Variants in LEPROTL1 observed in about 807,000 individuals in gnomAD.
LEPROTL1 encodes leptin receptor overlapping transcript like 1.
Under a neutral mutation model 15.4 loss-of-function variants are expected in LEPROTL1, and 6 were observed. The ratio of observed to expected loss-of-function variants is 0.39; its 90% CI spans 0.21 to 0.77. The LOEUF (loss-of-function observed/expected upper bound fraction) is 0.77. Ranked by LOEUF, LEPROTL1 falls within the 30% of genes least tolerant of loss-of-function variation. LEPROTL1 has a pLI of 0.41. For missense variants in LEPROTL1, 128 were observed against 158.1 expected, an observed-to-expected ratio of 0.81 and a Z score of 1.02; for synonymous variants, 56 against 52.6, an observed-to-expected ratio of 1.06 and a Z score of -0.28.
Position 30,106,241 on chromosome 8 carries a change from T to C in LEPROTL1, c.*379T>C. The C allele has an allele frequency of 1.0e-6, 1 of 986,568 alleles. No homozygotes were observed. Among genetic ancestry groups the C allele is most frequent in the Non-Finnish European group, 1.2e-6 (1 of 830,328 alleles). The allele number at this position is 986,568 out of a possible 1,614,324, so 61.1% of individuals were successfully genotyped here. A position where few individuals can be genotyped will look rare whatever the true frequency, so the allele number is the denominator to read the frequency against. ...GAATTCAGAATTCCGCCGGCTCTAT[T>C]ACTGGTCAAGTACATCTTTTCTCTT... On this transcript the variant is annotated 3_prime_UTR_variant, in exon 4 of 4. Coordinates refer to ENST00000321250, the MANE Select transcript of LEPROTL1 (RefSeq NM_015344.3).
chr8:30,104,716 T>C (rs1025860595), intron 3 of LEPROTL1: 2 of 230,160 alleles, frequency 8.7e-6, no homozygotes, highest in Admixed American at 5.9e-5. Context: ...TTTTTTTTCT[T>C]TTTTTTTTTT....
chr8:30,133,007 T>C, intron 4 of LEPROTL1: 14 of 1,178,982 alleles, frequency 1.2e-5, no homozygotes, highest in Non-Finnish European at 1.6e-5. Context: ...TAGATAGGTC[T>C]GTACAGCTAA....
At chr8:30,096,589 T>C (rs1383546230) in intron 1 of LEPROTL1, among the ~76,000 whole-genome samples, 1 of 152,212 alleles carries the variant, frequency 6.6e-6, no homozygotes, top group African/African-American at 2.4e-5. Flanking sequence ...GGATACTTTG[T>C]AATCTCCTTT....
chr8:30,132,427 A>G, exon 4 of LEPROTL1: 1 of 1,551,764 alleles, frequency 6.4e-7, no homozygotes, highest in Non-Finnish European at 8.7e-7. Flanking sequence ...GCTCTGACCA[A>G]GCTCAGGCCC....
At chr8:30,129,700 G>A (rs1802963591) in intron 3 of LEPROTL1, among the ~76,000 whole-genome samples, 1 of 145,842 alleles carries the variant, frequency 6.9e-6, no homozygotes, top group African/African-American at 2.6e-5. Flanking sequence ...GGGTGACAGA[G>A]TGAGACCCTG....
intron 3 of LEPROTL1, among the ~76,000 whole-genome samples, chr8:30,118,350 GATACATGTGTAC>G (rs1429129511): frequency 6.6e-6 from 1 of 152,132 alleles, no homozygotes; most frequent in African/African-American, 2.4e-5. Flanking sequence ...TGTACATACA[GATACATGTGTAC>G]ATGTGGAAAA....
rs539527023 is a variant in LEPROTL1 at position 30,120,562 on chromosome 8, T to A, written c.280-11813T>A. Reference sequence around the variant, plus strand: ...AATTTTGTTTCTGAGATGGGTTCTTTCTCTGTCACCCAGGCTGGAGTGCAG... The same window carrying A: ...AATTTTGTTTCTGAGATGGGTTCTTACTCTGTCACCCAGGCTGGAGTGCAG... On this transcript the variant is annotated intron_variant, in intron 3 of 4. Transcript: ENST00000442880. Among the ~76,000 whole-genome samples the A allele has an allele frequency of 4.6e-5, 7 of 152,256 alleles. No individual in the cohort carries two copies. In the South Asian group the frequency reaches 1.4e-3, roughly 32 times the overall value.
intron 3 of LEPROTL1, among the ~76,000 whole-genome samples, chr8:30,128,901 T>C (rs1802947818): frequency 6.6e-6 from 1 of 152,084 alleles, no homozygotes; most frequent in South Asian, 2.1e-4. Context: ...TTTTTCTTTT[T>C]TTTTTTTTGA....
At chr8:30,120,078 TAAATAAA>T (rs749160566) in intron 3 of LEPROTL1, among the ~76,000 whole-genome samples, 216 of 57,506 alleles carry the variant, frequency 3.8e-3, no homozygotes, top group Middle Eastern at 0.014. Context: ...AATAAATAAA[TAAATAAA>T]TAAATAAATA....
At chr8:30,099,160 C>A (rs1802420470) in intron 1 of LEPROTL1, among the ~76,000 whole-genome samples, 1 of 152,174 alleles carries the variant, frequency 6.6e-6, no homozygotes. Flanking sequence ...AACGTGAGAG[C>A]AAAAGCTTTG....
chr8:30,111,462 C>T (rs766753299), downstream of LEPROTL1, among the ~76,000 whole-genome samples: 2 of 152,132 alleles, frequency 1.3e-5, no homozygotes, highest in East Asian at 1.9e-4. Flanking sequence ...GTAGAAACAA[C>T]TTGGTGTTCA....
Position 30,107,022 on chromosome 8 carries a change from G to T in LEPROTL1, c.*1160G>T, listed in dbSNP as rs1052141999. The T allele has an allele frequency of 1.0e-6, 1 of 981,222 alleles. No individual in the cohort carries two copies. The highest frequency in any genetic ancestry group is 6.2e-5 in the Admixed American group (1 of 16,254). The allele number at this position is 981,222 out of a possible 1,614,324, so 60.8% of individuals were successfully genotyped here. On this transcript the variant is annotated 3_prime_UTR_variant, in exon 4 of 4. Transcript: ENST00000321250. ...CTTACAGATAATTCATGCATTAACA[G>T]TTTAAGATTTAGACCATGGTAATAG...
chr8:30,135,029 G>A (rs1001616875), intron 4 of LEPROTL1, among the ~76,000 whole-genome samples: 2 of 148,734 alleles, frequency 1.3e-5, no homozygotes, highest in Admixed American at 6.8e-5. Flanking sequence ...TCAGACATGC[G>A]CTACCACGCC....
At position 30,104,530 on chromosome 8, in the gene LEPROTL1, G is replaced by C. The variant is rs199981574; in HGVS notation, c.279+44G>C. ...CCATTAATGATTTTATATTGAACAT[G>C]TGTTACATTTTTCTCAAGCAAAGTT... is the stretch of plus-strand genomic sequence containing the variant. On this transcript the variant is annotated intron_variant, in intron 3 of 3. Transcript: ENST00000321250. The C allele has an allele frequency of 2.2e-6, 3 of 1,349,868 alleles. No homozygotes were observed. In the East Asian group the frequency reaches 7.7e-5, roughly 35 times the overall value. 83.6% of individuals were successfully genotyped at this position (1,349,868 alleles called of 1,614,324 possible). A position where few individuals can be genotyped will look rare whatever the true frequency, so the allele number is the denominator to read the frequency against.
Position 30,105,881 on chromosome 8 carries a change from T to C in LEPROTL1, c.*19T>C, listed in dbSNP as rs768363991. 1 of 1,494,578 alleles carries C rather than the reference T, an allele frequency of 6.7e-7. No individual in the cohort carries two copies. Among genetic ancestry groups the C allele is most frequent in the East Asian group, 2.5e-5 (1 of 39,684 alleles). 92.6% of individuals were successfully genotyped at this position (1,494,578 alleles called of 1,614,324 possible). On this transcript the variant is annotated 3_prime_UTR_variant, in exon 4 of 4. Coordinates refer to ENST00000321250, the MANE Select transcript of LEPROTL1 (RefSeq NM_015344.3). ...GTGGTGAAAAGAAATTACTGAACTA[T>C]TGTCAAATGGACTTCCTGTCATTTG...
chr8:30,128,348 A>T (rs913479766), intron 3 of LEPROTL1, among the ~76,000 whole-genome samples: 4 of 152,190 alleles, frequency 2.6e-5, no homozygotes, highest in African/African-American at 9.6e-5. Context: ...CAGTGGGGAG[A>T]TAGATTTGGA....
chr8:30,104,587 A>T lies in LEPROTL1; in HGVS notation c.279+101A>T, dbSNP rs946519259. 4.3e-5 allele frequency: 28 copies of T among 654,324 alleles called. 1 individual carries two copies. The highest frequency in any genetic ancestry group is 5.7e-5 in the Non-Finnish European group (23 of 406,740). 40.5% of individuals were successfully genotyped at this position (654,324 alleles called of 1,614,324 possible). On this transcript the variant is annotated intron_variant, in intron 3 of 3. Coordinates refer to ENST00000321250, the MANE Select transcript of LEPROTL1 (RefSeq NM_015344.3). ...AATGACATGAAAAGAGGTGAAAGAC[A>T]TAAGAGCCTAGAAGATAGAGATTAA...
At chr8:30,116,500 TGA>T (rs1285135871) in intron 3 of LEPROTL1, among the ~76,000 whole-genome samples, 1 of 152,060 alleles carries the variant, frequency 6.6e-6, no homozygotes, top group Non-Finnish European at 1.5e-5. Flanking sequence ...TGTGATCCTG[TGA>T]GAGTGTAATG....
intron 2 of LEPROTL1, 72 bp downstream of exon 2, chr8:30,102,045 T>C: frequency 1.1e-6 from 1 of 907,108 alleles, no homozygotes; most frequent in Non-Finnish European, 1.7e-6. Flanking sequence ...AAAAAAATGT[T>C]TTTTTACTAC....
Sources: gnomAD v4.1 joint callset for allele counts (sites outside exome capture counted in the v4.1 genomes callset) on GRCh38, gnomAD v4.1.1 for gene constraint, MANE v1.5 for transcripts, NCBI Gene and HGNC (gene_info 2026-07-23, HGNC 2026-07-21) for gene names.